Variants in JMJD6 observed in about 807,000 individuals in gnomAD.
JMJD6 encodes the protein jumonji domain containing 6, arginine demethylase and lysine hydroxylase, also known as bifunctional arginine demethylase and lysyl-hydroxylase JMJD6.
JMJD6 carries 17 observed loss-of-function variants against 45.8 expected under a neutral mutation model. That is an observed-to-expected ratio of 0.37 (90% CI 0.25 to 0.56). JMJD6 has a LOEUF of 0.56. Ranked by LOEUF, JMJD6 falls within the 20% of genes least tolerant of loss-of-function variation. The pLI, the probability that JMJD6 is intolerant of heterozygous loss-of-function variation, is 0.79. For missense variants in JMJD6, 470 were observed against 517.5 expected, an observed-to-expected ratio of 0.91 and a Z score of 0.89; for synonymous variants, 221 against 196.3, an observed-to-expected ratio of 1.13 and a Z score of -1.05.
chr17:76,715,281 T>C (rs576108945), downstream of JMJD6: 1 of 152,360 alleles, frequency 6.6e-6, no homozygotes, highest in South Asian at 2.1e-4. Context: ...AAACACATCC[T>C]GTGCCCACCA....
chr17:76,721,966 T>G (rs1490981505), intron 3 of JMJD6, 33 bp from the exon 4 acceptor site: 1 of 1,611,826 alleles, frequency 6.2e-7, no homozygotes, highest in Non-Finnish European at 8.5e-7. Flanking sequence ...TTAAACAAGG[T>G]TTGATCCTAT....
chr17:76,718,371 C>T, downstream of JMJD6: 1 of 1,063,716 alleles, frequency 9.4e-7, no homozygotes, highest in Non-Finnish European at 1.2e-6. Context: ...GCAGGAGTCA[C>T]TGCTTTCCCC....
Position 76,720,871 on chromosome 17 carries a change from A to T in JMJD6, c.942-373T>A, listed in dbSNP as rs193205502. 7.5e-3 allele frequency among the ~76,000 whole-genome samples: 1,143 copies of T among 152,286 alleles called. 14 individuals carry two copies. The highest frequency in any genetic ancestry group is 0.026 in the African/African-American group (1,077 of 41,558). The stretch of plus-strand genomic sequence containing the variant: ...CCTGAACCCTTCCCAGTTGATTTTT[A>T]AAAAAATCTTTCCTTTCCACAGCAC... On this transcript the variant is annotated intron_variant, in intron 4 of 5. Transcript: ENST00000397625.
At chr17:76,720,931 C>G (rs2076816230) in intron 4 of JMJD6, among the ~76,000 whole-genome samples, 1 of 152,154 alleles carries the variant, frequency 6.6e-6, no homozygotes, top group African/African-American at 2.4e-5. Context: ...TGGTTAGATT[C>G]TATTTCTAAG....
At chr17:76,720,554 GACTC>G (rs1471988450) in intron 4 of JMJD6, 56 bp from the exon 5 acceptor site, 13 of 1,585,696 alleles carry the variant, frequency 8.2e-6, no homozygotes, top group African/African-American at 2.7e-5. Context: ...CACTCACAAA[GACTC>G]ACTCAGAGTC....
At chr17:76,719,774 T>A (rs761483748) in intron 5 of JMJD6, among the ~76,000 whole-genome samples, 1 of 152,046 alleles carries the variant, frequency 6.6e-6, no homozygotes, top group Non-Finnish European at 1.5e-5. Flanking sequence ...CTGCTTCATC[T>A]TGAGCCATTT....
chr17:76,715,020 C>G (rs1021366834), downstream of JMJD6: 6 of 152,112 alleles, frequency 3.9e-5, no homozygotes, highest in Admixed American at 3.9e-4. Context: ...TCCTACCACG[C>G]CCCCTGGTGG....
At chr17:76,722,561 C>T (rs2076838081) in intron 3 of JMJD6, among the ~76,000 whole-genome samples, 1 of 151,906 alleles carries the variant, frequency 6.6e-6, no homozygotes, top group African/African-American at 2.4e-5. Flanking sequence ...AGAATTAAAC[C>T]CTGGCCGGGG....
downstream of JMJD6, chr17:76,716,597 G>A (rs929944885): frequency 5.1e-6 from 6 of 1,185,862 alleles, no homozygotes; most frequent in Non-Finnish European, 6.3e-6. Context: ...AGACAGAGGA[G>A]AAGGTAGGAG....
rs1347847707 is a variant in JMJD6, at chr17:76,718,846, G to A, written c.1095C>T (p.Ser365=). The A allele has an allele frequency of 9.9e-6, 16 of 1,613,872 alleles. No homozygotes were observed. The highest frequency in any genetic ancestry group is 4.5e-5 in the East Asian group (2 of 44,884). Residue 365 remains serine, a synonymous_variant, in exon 6 of 6, where the codon TCC becomes TCT. Transcript: ENST00000397625. ...SDSDSECESG[S]EGDGTVHRRK... The stretch of plus-strand genomic sequence containing the variant: ...TGCGGTGCACTGTCCCATCGCCCTC[G>A]GATCCAGACTCGCACTGGACACAGG...
intron 1 of JMJD6, 41 bp downstream of exon 1, chr17:76,726,306 T>G (rs747161305): frequency 6.6e-7 from 1 of 1,526,364 alleles, no homozygotes. Flanking sequence ...CGGCTGGAGG[T>G]GCCGATGCCC....
In JMJD6 at chr17:76,725,580, G is replaced by A. The variant is rs752438415; in HGVS notation, c.405C>T (p.Ser135=). The part of the protein sequence containing the change: ...RDDSPLYIFD[S]SYGEHPKRRK... ...TTCTTTTAGGGTGTTCACCATAGCT[G>A]CTGTCAAAGATGTAAAGGGGACTAT... The change falls in exon 2 of 6, where the codon AGC becomes AGT. Residue 135 remains serine (S), a synonymous_variant. Coordinates refer to ENST00000397625, the MANE Select transcript of JMJD6 (RefSeq NM_015167.3). 6.2e-7 allele frequency: 1 copy of A among 1,614,072 alleles called. No homozygotes were observed. The highest frequency in any genetic ancestry group is 1.1e-5 in the South Asian group (1 of 91,076).
Position 76,726,601 on chromosome 17 carries a change from GC to G in JMJD6, c.-127del. The G allele has an allele frequency of 7.6e-7, 1 of 1,317,082 alleles. No individual in the cohort carries two copies. Among genetic ancestry groups the G allele is most frequent in the Non-Finnish European group, 1.0e-6 (1 of 991,426 alleles). 81.6% of individuals were successfully genotyped at this position (1,317,082 alleles called of 1,614,324 possible). A position where few individuals can be genotyped will look rare whatever the true frequency, so the allele number is the denominator to read the frequency against. On this transcript the variant is annotated 5_prime_UTR_variant, in exon 1 of 6. Transcript: ENST00000397625. ...CAAACGCCCTTCGCTCAGTCCCGGC[GC>G]CTTTAAAGTCGCCTTCCAGAAAATT...
chr17:76,716,755 CACGT>C (rs768706969), downstream of JMJD6: 2 of 1,613,106 alleles, frequency 1.2e-6, no homozygotes, highest in South Asian at 2.2e-5. Flanking sequence ...CTGTAATCAG[CACGT>C]AGACAGCATG....
At chr17:76,723,444 CT>C (rs60972573) in intron 3 of JMJD6, among the ~76,000 whole-genome samples, 134,730 of 138,004 alleles carry the variant, frequency 0.98, 65,748 homozygotes, top group Middle Eastern at 0.99. Context: ...AATGTACTTT[CT>C]TTTTTTTTTT....
downstream of JMJD6, chr17:76,716,407 G>C: frequency 2.5e-6 from 1 of 400,948 alleles, no homozygotes. Flanking sequence ...GTGGTTGACT[G>C]GCTCGGTTTT....
chr17:76,726,188 G>A (rs1339858926), intron 1 of JMJD6, among the ~76,000 whole-genome samples, 159 bp downstream of exon 1: 1 of 152,248 alleles, frequency 6.6e-6, no homozygotes, highest in Non-Finnish European at 1.5e-5. Context: ...GACCCGCCCC[G>A]GAATCCGCGC....
Position 76,721,820 on chromosome 17 carries a change from T to C in JMJD6, c.919A>G (p.Lys307Glu). 1 of 1,614,044 alleles carries C rather than the reference T, an allele frequency of 6.2e-7. No homozygotes were observed. The highest frequency in any genetic ancestry group is 1.7e-5 in the Admixed American group (1 of 60,016). The change falls in exon 4 of 6, where the codon AAG becomes GAG. Residue 307 changes from lysine to glutamate, a missense_variant. By Grantham distance (56) the Lys-to-Glu change is moderately conservative. Transcript: ENST00000397625. ...VWHKTVRGRP[K>E]LSRKWYRILK... ...CACCTATACCATTTCCTTGATAACTTTGGTCTCCCTCTTACCGTCTTGTGC... is the reference window on the plus strand; with the variant it reads ...CACCTATACCATTTCCTTGATAACTCTGGTCTCCCTCTTACCGTCTTGTGC...
At chr17:76,725,997 G>C (rs1031276474) in intron 1 of JMJD6, 142 bp from the exon 2 acceptor site, 2 of 1,118,970 alleles carry the variant, frequency 1.8e-6, no homozygotes, top group African/African-American at 3.2e-5. Flanking sequence ...GGGGCAGGGC[G>C]CGTGCGTGAG....
Sources: allele counts gnomAD v4.1 joint callset (sites outside exome capture counted in the v4.1 genomes callset), GRCh38; gene constraint gnomAD v4.1.1; transcripts MANE v1.5; gene names NCBI Gene and HGNC (gene_info 2026-07-23, HGNC 2026-07-21).